The following IDO1 variants were observed in gnomAD, a reference collection of about 807,000 sequenced individuals.
IDO1 encodes the protein indoleamine 2,3-dioxygenase 1, also known as indolamine 2,3 dioxygenase.
Under a neutral mutation model 38.8 loss-of-function variants are expected in IDO1, and 35 were observed. The ratio of observed to expected loss-of-function variants is 0.90; its 90% confidence interval spans 0.69 to 1.20. The LOEUF (loss-of-function observed/expected upper bound fraction) is 1.20. Ranked by LOEUF, IDO1 falls within the 50% of genes most tolerant of loss-of-function variation. IDO1 has a pLI of 0.00. For missense variants in IDO1, 509 were observed against 485.1 expected (o/e 1.05, Z -0.46); for synonymous variants, 171 against 170.0 (o/e 1.01, Z -0.05).
At position 39,913,902 on chromosome 8, in the gene IDO1, C is replaced by G. The variant is rs759551618; in HGVS notation, c.-21C>G. 4.6e-6 allele frequency: 7 copies of G among 1,532,200 alleles called. No individual in the cohort carries two copies. The East Asian group carries it at 7.2e-5, about 16-fold the overall frequency. The allele number at this position is 1,532,200 out of a possible 1,614,324, so 94.9% of individuals were successfully genotyped here. A position where few individuals can be genotyped will look rare whatever the true frequency, so the allele number is the denominator to read the frequency against. ...AAAACTCTTCAGACACTGAGGGGCACCAGAGGAGCAGACTACAAGAATGGC... is the reference window on the plus strand; with the variant it reads ...AAAACTCTTCAGACACTGAGGGGCAGCAGAGGAGCAGACTACAAGAATGGC... On this transcript the variant is annotated 5_prime_UTR_variant, in exon 1 of 10. Coordinates refer to ENST00000518237, the MANE Select transcript of IDO1 (RefSeq NM_002164.6).
chr8:39,922,716 C>A, intron 6 of IDO1, 65 bp downstream of exon 6: 1 of 1,024,804 alleles, frequency 9.8e-7, no homozygotes, highest in Admixed American at 1.8e-5. Context: ...CACTTCGGAG[C>A]CTAAACTATA....
chr8:39,926,131 G>A (rs57818616), intron 9 of IDO1, among the ~76,000 whole-genome samples: 1 of 152,190 alleles, frequency 6.6e-6, no homozygotes, highest in African/African-American at 2.4e-5. Context: ...AGCTTGCAGT[G>A]AACCGATATG....
intron 3 of IDO1, 122 bp downstream of exon 3, chr8:39,918,329 C>T: frequency 2.3e-6 from 2 of 887,514 alleles, no homozygotes; most frequent in Non-Finnish European, 3.4e-6. Flanking sequence ...GATAACACGA[C>T]AAAATGATAA....
rs1239402927 is a variant in IDO1 at position 39,918,823 on chromosome 8, A to G, written c.312A>G (p.Pro104=). 6.2e-7 allele frequency: 1 copy of G among 1,600,756 alleles called. No homozygotes were observed. The highest frequency in any genetic ancestry group is 1.1e-5 in the South Asian group (1 of 90,830). ...TACTGTATTTTAATCAGGTCTTGCC[A>G]AGAAATATTGCTGTTCCTTACTGCC... ...KGHGDVRKVL[P]RNIAVPYCQL... Residue 104 remains proline, a synonymous_variant, in exon 4 of 10, where the codon CCA becomes CCG. Coordinates refer to ENST00000518237, the MANE Select transcript of IDO1 (RefSeq NM_002164.6).
Position 39,927,878 on chromosome 8 carries a change from C to A in IDO1, c.905C>A (p.Ala302Asp). 2 of 1,587,362 alleles carry A rather than the reference C, an allele frequency of 1.3e-6. No individual in the cohort carries two copies. Among genetic ancestry groups the A allele is most frequent in the South Asian group, 1.2e-5 (1 of 86,464 alleles). The change falls in exon 10 of 10, where the codon GCT (alanine) becomes GAT (aspartate). Residue 302 changes from alanine (A) to aspartate (D), a missense_variant. By Grantham distance (126) the Ala-to-Asp change is moderately radical (BLOSUM62 -2). Transcript: ENST00000518237. Reference protein sequence around the residue: ...LQDMRRYMPPAHRNFLCSLES... With the variant: ...LQDMRRYMPPDHRNFLCSLES... Reference sequence around the variant, plus strand: ...GACATGAGAAGATATATGCCACCAGCTCACAGGAACTTCCTGTGCTCATTA... The same window carrying A: ...GACATGAGAAGATATATGCCACCAGATCACAGGAACTTCCTGTGCTCATTA...
chr8:39,925,332 T>G lies in IDO1; in HGVS notation c.817T>G (p.Phe273Val). The change falls in exon 9 of 10, where the codon TTT becomes GTT. Residue 273 changes from phenylalanine to valine, a missense_variant. Phe to Val is a conservative substitution (Grantham distance 50). Coordinates refer to ENST00000518237, the MANE Select transcript of IDO1 (RefSeq NM_002164.6). ...AGGCCAAAGCAGCGTCTTTCAGTGC[T>G]TTGACGTCCTGCTGGGCATCCAGCA... ...SAGQSSVFQC[F>V]DVLLGIQQTA... 1 of 1,613,160 alleles carries G rather than the reference T, an allele frequency of 6.2e-7. No individual in the cohort carries two copies. Among genetic ancestry groups the G allele is most frequent in the Non-Finnish European group, 8.5e-7 (1 of 1,179,562 alleles).
At chr8:39,925,197 CT>C in intron 8 of IDO1, 25 bp from the exon 9 acceptor site, 8 of 1,553,956 alleles carry the variant, frequency 5.1e-6, no homozygotes, top group South Asian at 1.2e-5. Context: ...AATGATTTTT[CT>C]TTTTTTCTTT....
At chr8:39,914,288 A>G in intron 1 of IDO1, 1 of 249,608 alleles carries the variant, frequency 4.0e-6, no homozygotes, top group Non-Finnish European at 7.8e-6. Context: ...TTTACATAAG[A>G]ATTATATAGT....
chr8:39,926,917 C>T lies in IDO1; in HGVS notation c.857-913C>T, dbSNP rs74893114. Among the ~76,000 whole-genome samples the T allele has an allele frequency of 9.4e-3, 1,433 of 152,280 alleles. 20 individuals carry two copies. The highest frequency in any genetic ancestry group is 0.033 in the African/African-American group (1,369 of 41,548). On this transcript the variant is annotated intron_variant, in intron 9 of 9. Coordinates refer to ENST00000518237, the MANE Select transcript of IDO1 (RefSeq NM_002164.6). ...GTCCATGTGTACTCAATATTTAACT[C>T]CCACTTATCGGTGAGAACATGTGGT...
intron 3 of IDO1, 164 bp downstream of exon 3, chr8:39,918,371 G>T: frequency 1.6e-6 from 1 of 615,458 alleles, no homozygotes; most frequent in South Asian, 2.3e-5. Flanking sequence ...CATGTCCACT[G>T]TTATCATTAT....
chr8:39,914,277 C>A (rs1807140496), intron 1 of IDO1: 2 of 289,810 alleles, frequency 6.9e-6, no homozygotes, highest in African/African-American at 2.2e-5. Flanking sequence ...AGTGTATCAG[C>A]TTTACATAAG....
chr8:39,922,146 G>T (rs758751903), intron 5 of IDO1, among the ~76,000 whole-genome samples: 1 of 152,166 alleles, frequency 6.6e-6, no homozygotes, highest in Admixed American at 6.5e-5. Flanking sequence ...GATTACAGGC[G>T]CCCATCACCA....
intron 5 of IDO1, 83 bp downstream of exon 5, chr8:39,920,197 AT>A: frequency 1.8e-6 from 2 of 1,084,988 alleles, no homozygotes; most frequent in South Asian, 1.4e-5. Flanking sequence ...CTCCAAATGC[AT>A]TTTTAAATGA....
chr8:39,925,265 A>T lies in IDO1; in HGVS notation c.750A>T (p.Glu250Asp). The T allele has an allele frequency of 6.2e-7, 1 of 1,612,726 alleles. No individual in the cohort carries two copies. Among genetic ancestry groups the T allele is most frequent in the Non-Finnish European group, 8.5e-7 (1 of 1,179,396 alleles). Reference sequence around the variant, plus strand: ...AGCTATCAGACGGTCTGGTGTATGAAGGGTTCTGGGAAGACCCAAAGGAGT... The same window carrying T: ...AGCTATCAGACGGTCTGGTGTATGATGGGTTCTGGGAAGACCCAAAGGAGT... ...NPQLSDGLVYEGFWEDPKEFA... is the reference protein window; with the variant it reads ...NPQLSDGLVYDGFWEDPKEFA... Residue 250 changes from glutamate (E) to aspartate (D), a missense_variant, in exon 9 of 10, where the codon GAA becomes GAT. Transcript: ENST00000518237.
rs1297119349 is a variant in IDO1 at position 39,928,743 on chromosome 8, A to G, written c.*558A>G. On this transcript the variant is annotated 3_prime_UTR_variant, in exon 10 of 10. Transcript: ENST00000518237. ...GCGGGACTCCGTCTCAAAAAAAAAA[A>G]AAAAAAGATATATTCTGTCATAATA... 2.6e-5 allele frequency among the ~76,000 whole-genome samples: 4 copies of G among 152,098 alleles called. No individual in the cohort carries two copies. The highest frequency in any genetic ancestry group is 9.7e-5 in the African/African-American group (4 of 41,430).
rs1209409105 is a variant in IDO1 at position 39,928,158 on chromosome 8, T to G, written c.1185T>G (p.Thr395=). ...TCCTGAAGACTGTAAGAAGTACAAC[T>G]GAGAAATCCCTTTTGAAGGAAGGTT... ...MNFLKTVRST[T]EKSLLKEG The change falls in exon 10 of 10, where the codon ACT becomes ACG. Residue 395 remains threonine (T), a synonymous_variant. Transcript: ENST00000518237. The G allele has an allele frequency of 6.2e-7, 1 of 1,611,656 alleles. No individual in the cohort carries two copies. The highest frequency in any genetic ancestry group is 1.7e-5 in the Admixed American group (1 of 59,666).
intron 2 of IDO1, 24 bp downstream of exon 2, chr8:39,917,994 T>A (rs1238684360): frequency 1.2e-6 from 2 of 1,611,116 alleles, no homozygotes; most frequent in Non-Finnish European, 8.5e-7. Flanking sequence ...ATTACATTTG[T>A]CTTCTTGTAT....
At chr8:39,916,067 G>A (rs996345716) in intron 1 of IDO1, among the ~76,000 whole-genome samples, 1 of 152,148 alleles carries the variant, frequency 6.6e-6, no homozygotes, top group African/African-American at 2.4e-5. Flanking sequence ...TCAGGAGGCT[G>A]AGGCAGGAGA....
chr8:39,913,948 G>A lies in IDO1; in HGVS notation c.26G>A (p.Trp9Ter). 6.4e-7 allele frequency: 1 copy of A among 1,574,432 alleles called. No homozygotes were observed. The highest frequency in any genetic ancestry group is 8.6e-7 in the Non-Finnish European group (1 of 1,159,790). MAHAMENS[W>*]TISKEYHIDE... ...ATGGCACACGCTATGGAAAACTCCTGGACAATCAGTAAAGAGTACCATATT... is the reference window on the plus strand; with the variant it reads ...ATGGCACACGCTATGGAAAACTCCTAGACAATCAGTAAAGAGTACCATATT... The change falls in exon 1 of 10, where the codon TGG (tryptophan) becomes TAG (stop). Residue 9 changes from tryptophan to a stop codon, truncating the protein, a stop_gained. Coordinates refer to ENST00000518237, the MANE Select transcript of IDO1 (RefSeq NM_002164.6). LOFTEE classifies it high-confidence loss of function.
Sources: allele counts gnomAD v4.1 joint callset (sites outside exome capture counted in the v4.1 genomes callset), GRCh38; gene constraint gnomAD v4.1.1; transcripts MANE v1.5; gene names NCBI Gene and HGNC (gene_info 2026-07-23, HGNC 2026-07-21).